Variants in ABI2 observed in about 807,000 individuals in gnomAD.
ABI2 encodes the protein abl interactor 2, also known as abelson interactor 2.
Under a neutral mutation model 59.2 loss-of-function variants are expected in ABI2, and 25 were observed. The observed-to-expected ratio is 0.42, with a 90% confidence interval of 0.31 to 0.59. The LOEUF (loss-of-function observed/expected upper bound fraction) is 0.59, where lower values mean the gene tolerates loss of function less well. ABI2 is among the 20% of genes least tolerant of loss of function. The pLI is 0.14. For synonymous variants in ABI2, 213 were observed against 235.5 expected, an observed-to-expected ratio of 0.90 and a Z score of 0.87; for missense variants, 545 against 681.8, an observed-to-expected ratio of 0.80 and a Z score of 2.23.
At chr2:203,382,285 A>G (rs1048210815) in intron 4 of ABI2, 79 bp downstream of exon 4, 3 of 1,237,882 alleles carry the variant, frequency 2.4e-6, no homozygotes, top group Non-Finnish European at 3.3e-6. Context: ...GAGATTGTTA[A>G]CTCTTGGCCT....
intron 9 of ABI2, among the ~76,000 whole-genome samples, chr2:203,406,469 G>A (rs2097430115): frequency 6.6e-6 from 1 of 152,170 alleles, no homozygotes; most frequent in Non-Finnish European, 1.5e-5. Context: ...GTCAGGCTTA[G>A]TAACCCCTGA....
rs181313966 is a variant in ABI2 at position 203,341,573 on chromosome 2, G to A, written c.117+12942G>A. 1.4e-3 allele frequency among the ~76,000 whole-genome samples: 207 copies of A among 152,010 alleles called. 1 individual carries two copies. Among genetic ancestry groups the A allele is most frequent in the Admixed American group, 2.3e-3 (35 of 15,248 alleles). ...CTACTAAAAACAAAAAAATTTCTCC[G>A]GGCTTGTTGGTGTGCACCAGTAGTG... On this transcript the variant is annotated intron_variant, in intron 1 of 11. Transcript: ENST00000261018.
intron 1 of ABI2, among the ~76,000 whole-genome samples, chr2:203,364,797 T>C (rs952220953): frequency 2.0e-5 from 3 of 151,686 alleles, no homozygotes; most frequent in African/African-American, 7.3e-5. Flanking sequence ...TGCAGTGATA[T>C]GATCATGGCT....
chr2:203,361,810 T>C (rs1445273020), intron 1 of ABI2, among the ~76,000 whole-genome samples: 1 of 152,196 alleles, frequency 6.6e-6, no homozygotes, highest in African/African-American at 2.4e-5. Flanking sequence ...CTGTGTCTTA[T>C]AGTGTCATTT....
At chr2:203,331,180 T>C (rs534703446) in intron 1 of ABI2, among the ~76,000 whole-genome samples, 3 of 152,162 alleles carry the variant, frequency 2.0e-5, no homozygotes, top group Admixed American at 6.5e-5. Context: ...ATAGCTCTTA[T>C]ATGATTTGTT....
intron 8 of ABI2, among the ~76,000 whole-genome samples, chr2:203,397,578 C>T (rs1329683578): frequency 6.6e-6 from 1 of 152,132 alleles, no homozygotes; most frequent in Non-Finnish European, 1.5e-5. Context: ...TGGCTAGTAA[C>T]AGGTTCTTGT....
At position 203,428,391 on chromosome 2, in the gene ABI2, C is replaced by G. The variant is rs1473152940; in HGVS notation, c.*1039C>G. 6.6e-6 allele frequency: 1 copy of G among 152,552 alleles called. No individual in the cohort carries two copies. The highest frequency in any genetic ancestry group is 1.5e-5 in the Non-Finnish European group (1 of 68,030). 9.4% of individuals were successfully genotyped at this position (152,552 alleles called of 1,614,324 possible). ...AGTACAAGGTTTGCTAATGTGCTCT[C>G]TGGACGTTATTAATGGCCAGTATTA... On this transcript the variant is annotated 3_prime_UTR_variant, in exon 12 of 12. Coordinates refer to ENST00000261018, the MANE Select transcript of ABI2 (RefSeq NM_001375670.1).
chr2:203,383,910 C>G (rs1051454903), intron 4 of ABI2, among the ~76,000 whole-genome samples: 1 of 151,662 alleles, frequency 6.6e-6, no homozygotes. Flanking sequence ...CTTTGCTGCT[C>G]CCATTGCTGT....
At chr2:203,419,314 G>A (rs1240636388) in intron 11 of ABI2, among the ~76,000 whole-genome samples, 2 of 151,348 alleles carry the variant, frequency 1.3e-5, no homozygotes, top group East Asian at 2.0e-4. Flanking sequence ...GTTTCACGGT[G>A]GTCTTGATCT....
intron 11 of ABI2, among the ~76,000 whole-genome samples, chr2:203,417,952 A>T (rs995797918): frequency 2.6e-5 from 4 of 152,228 alleles, no homozygotes; most frequent in African/African-American, 9.6e-5. Context: ...GACGTGGAAT[A>T]TATCTTTAAA....
chr2:203,373,640 C>T (rs2095474506), intron 2 of ABI2, among the ~76,000 whole-genome samples: 1 of 152,116 alleles, frequency 6.6e-6, no homozygotes, highest in Admixed American at 6.5e-5. Context: ...TAAGCAAGGT[C>T]AAAAGGCAAC....
chr2:203,364,974 T>C (rs535379388), intron 1 of ABI2, among the ~76,000 whole-genome samples: 1 of 152,224 alleles, frequency 6.6e-6, no homozygotes, highest in East Asian at 1.9e-4. Flanking sequence ...CTTTAAGCAA[T>C]GCTCCCGCCT....
At chr2:203,346,213 A>G (rs1165013353) in intron 1 of ABI2, among the ~76,000 whole-genome samples, 1 of 152,144 alleles carries the variant, frequency 6.6e-6, no homozygotes, top group Non-Finnish European at 1.5e-5. Flanking sequence ...ATAGTAAGCT[A>G]TTTCCCAACT....
chr2:203,418,090 G>C (rs910785275), intron 11 of ABI2, among the ~76,000 whole-genome samples: 31 of 152,216 alleles, frequency 2.0e-4, no homozygotes, highest in African/African-American at 7.5e-4. Flanking sequence ...AGAGAAGAAA[G>C]TGGAAAAAAA....
In ABI2 at chr2:203,428,104, G is replaced by C. The variant is rs1193529036; in HGVS notation, c.*752G>C. On this transcript the variant is annotated 3_prime_UTR_variant, in exon 12 of 12. Coordinates refer to ENST00000261018, the MANE Select transcript of ABI2 (RefSeq NM_001375670.1). ...TTGTTGCTAATGGCCAGTGTACCCA[G>C]ATGTGAAGTGTGGTAGGCTGGTTCA... 6.6e-6 allele frequency: 1 copy of C among 152,260 alleles called. No individual in the cohort carries two copies. The highest frequency in any genetic ancestry group is 1.5e-5 in the Non-Finnish European group (1 of 68,066). The allele number at this position is 152,260 out of a possible 1,614,324, so 9.4% of individuals were successfully genotyped here.
intron 4 of ABI2, among the ~76,000 whole-genome samples, chr2:203,388,878 C>T (rs1476202832): frequency 6.6e-6 from 1 of 151,996 alleles, no homozygotes; most frequent in Non-Finnish European, 1.5e-5. Context: ...TTTAGCTATC[C>T]CATGTATAGA....
intron 1 of ABI2, among the ~76,000 whole-genome samples, chr2:203,357,099 T>C (rs940676586): frequency 6.6e-6 from 1 of 152,246 alleles, no homozygotes; most frequent in Admixed American, 6.5e-5. Context: ...CACACTCAAT[T>C]TTTTCCTAAT....
At chr2:203,383,748 A>C (rs1031480726) in intron 4 of ABI2, among the ~76,000 whole-genome samples, 4 of 152,204 alleles carry the variant, frequency 2.6e-5, no homozygotes, top group Non-Finnish European at 5.9e-5. Context: ...GTGTCTTAGA[A>C]GTCTCCTGAT....
intron 11 of ABI2, 68 bp downstream of exon 11, chr2:203,417,149 T>A: frequency 7.5e-7 from 1 of 1,329,468 alleles, no homozygotes. Flanking sequence ...TTTGCGGTAC[T>A]GAAGAGAATC....
Sources: allele counts gnomAD v4.1 joint callset (sites outside exome capture counted in the v4.1 genomes callset), GRCh38; gene constraint gnomAD v4.1.1; transcripts MANE v1.5; gene names NCBI Gene and HGNC (gene_info 2026-07-23, HGNC 2026-07-21).